Variants in JRK observed in about 807,000 individuals in gnomAD.
JRK encodes the protein Jrk helix-turn-helix protein, also known as jerky protein homolog.
For synonymous variants in JRK, 303 were observed against 218.1 expected (o/e 1.39, Z -3.43); for missense variants, 720 against 509.2 (o/e 1.41, Z -3.98).
Position 142,664,268 on chromosome 8 carries a change from C to T in JRK, c.*84G>A. ...AGTGTCTGCACATGCCCTCCTGCCT[C>T]AGGTGGGGTCGGGGCACAGGACCAT... On this transcript the variant is annotated 3_prime_UTR_variant, in exon 2 of 2. Transcript: ENST00000612905. The T allele has an allele frequency of 3.4e-6, 5 of 1,455,386 alleles. No individual in the cohort carries two copies. The South Asian group carries it at 7.5e-5, about 22-fold the overall frequency. The allele number at this position is 1,455,386 out of a possible 1,614,324, so 90.2% of individuals were successfully genotyped here. A position where few individuals can be genotyped will look rare whatever the true frequency, so the allele number is the denominator to read the frequency against.
the JRK span, among the ~76,000 whole-genome samples, chr8:142,648,322 G>A: frequency 6.6e-6 from 1 of 152,212 alleles, no homozygotes; most frequent in African/African-American, 2.4e-5. Context: ...TGTCTCCAGG[G>A]CATGTCAGAG....
At position 142,664,180 on chromosome 8, in the gene JRK, G is replaced by A; in HGVS notation, c.*172C>T. On this transcript the variant is annotated 3_prime_UTR_variant, in exon 2 of 2. Transcript: ENST00000612905. ...AAACCTGTATTGACAGGAACCTCGG[G>A]CACAGACCGTCCTGGGCACCCGAGC... 7.3e-7 allele frequency: 1 copy of A among 1,379,078 alleles called. No homozygotes were observed. The highest frequency in any genetic ancestry group is 2.6e-5 in the East Asian group (1 of 38,002). The allele number at this position is 1,379,078 out of a possible 1,614,324, so 85.4% of individuals were successfully genotyped here. A position where few individuals can be genotyped will look rare whatever the true frequency, so the allele number is the denominator to read the frequency against.
rs1554635806 is a variant in JRK, at chr8:142,665,636, G to A, written c.423C>T (p.Ala141=). 1 of 718,646 alleles carries A rather than the reference G, an allele frequency of 1.4e-6. No individual in the cohort carries two copies. Among genetic ancestry groups the A allele is most frequent in the African/African-American group, 1.7e-5 (1 of 57,418 alleles). 44.5% of individuals were successfully genotyped at this position (718,646 alleles called of 1,614,324 possible). A position where few individuals can be genotyped will look rare whatever the true frequency, so the allele number is the denominator to read the frequency against. The change falls in exon 2 of 2, where the codon GCC becomes GCT. Residue 141 remains alanine, a synonymous_variant. Coordinates refer to ENST00000612905, the MANE Select transcript of JRK (RefSeq NM_003724.4). ...FSGGWLWRFK[A]RHGIKKLDAS... Reference sequence around the variant, plus strand: ...CATCTAGCTTTTTAATGCCGTGTCTGGCCTTAAAGCGCCAAAGCCACCCTC... The same window carrying A: ...CATCTAGCTTTTTAATGCCGTGTCTAGCCTTAAAGCGCCAAAGCCACCCTC...
At chr8:142,668,479 G>T (rs1554636629) in intron 1 of JRK, among the ~76,000 whole-genome samples, 1 of 151,962 alleles carries the variant, frequency 6.6e-6, no homozygotes, top group East Asian at 2.0e-4. Context: ...TCTCACCATG[G>T]GGAACAGGAG....
chr8:142,659,113 A>G lies in JRK; in HGVS notation c.*5239T>C, dbSNP rs1846833783. 2 of 1,363,482 alleles carry G rather than the reference A, an allele frequency of 1.5e-6. No homozygotes were observed. The highest frequency in any genetic ancestry group is 1.7e-5 in the South Asian group (1 of 58,732). The allele number at this position is 1,363,482 out of a possible 1,614,324, so 84.5% of individuals were successfully genotyped here. A position where few individuals can be genotyped will look rare whatever the true frequency, so the allele number is the denominator to read the frequency against. ...ATCAAGGTACAATGAAATAGAAAAA[A>G]GGCTGGCCAGGTGCCAAGTCCCAGC... On this transcript the variant is annotated 3_prime_UTR_variant, in exon 2 of 2. Coordinates refer to ENST00000612905, the MANE Select transcript of JRK (RefSeq NM_003724.4).
Position 142,661,931 on chromosome 8 carries a change from C to G in JRK, c.*2421G>C, listed in dbSNP as rs1174421793. Reference sequence around the variant, plus strand: ...ACCGAGGCAAGAGGTATGCACCAGGCAGCTGGGCCCAGCAGCTCAGAGATG... The same window carrying G: ...ACCGAGGCAAGAGGTATGCACCAGGGAGCTGGGCCCAGCAGCTCAGAGATG... On this transcript the variant is annotated 3_prime_UTR_variant, in exon 2 of 2. Coordinates refer to ENST00000612905, the MANE Select transcript of JRK (RefSeq NM_003724.4). 2.0e-6 allele frequency: 2 copies of G among 985,434 alleles called. No individual in the cohort carries two copies. Among genetic ancestry groups the G allele is most frequent in the African/African-American group, 3.5e-5 (2 of 57,260 alleles). 61.0% of individuals were successfully genotyped at this position (985,434 alleles called of 1,614,324 possible).
Position 142,658,806 on chromosome 8 carries a change from G to T in JRK, c.*5546C>A. The T allele has an allele frequency of 6.3e-7, 1 of 1,584,606 alleles. No individual in the cohort carries two copies. Among genetic ancestry groups the T allele is most frequent in the South Asian group, 1.2e-5 (1 of 86,744 alleles). ...CCATAACCTCAAGGGCACTGGTGGG[G>T]ACAGAGGGGTCTTACCCAGCACTGC... On this transcript the variant is annotated 3_prime_UTR_variant, in exon 2 of 2. Transcript: ENST00000612905.
downstream of JRK, among the ~76,000 whole-genome samples, chr8:142,652,785 G>C (rs1187832408): frequency 6.6e-6 from 1 of 152,218 alleles, no homozygotes; most frequent in South Asian, 2.1e-4. Flanking sequence ...AAGAGAAAGA[G>C]AGGTGACCTA....
At position 142,658,797 on chromosome 8, in the gene JRK, A is replaced by T. The variant is rs1350838157; in HGVS notation, c.*5555T>A. The T allele has an allele frequency of 6.3e-7, 1 of 1,574,918 alleles. No individual in the cohort carries two copies. The highest frequency in any genetic ancestry group is 8.6e-7 in the Non-Finnish European group (1 of 1,160,130). Reference sequence around the variant, plus strand: ...TACCAACACCCATAACCTCAAGGGCACTGGTGGGGACAGAGGGGTCTTACC... The same window carrying T: ...TACCAACACCCATAACCTCAAGGGCTCTGGTGGGGACAGAGGGGTCTTACC... On this transcript the variant is annotated 3_prime_UTR_variant, in exon 2 of 2. Coordinates refer to ENST00000612905, the MANE Select transcript of JRK (RefSeq NM_003724.4).
Position 142,661,307 on chromosome 8 carries a change from C to G in JRK, c.*3045G>C. The G allele has an allele frequency of 2.0e-6, 2 of 985,474 alleles. No individual in the cohort carries two copies. The highest frequency in any genetic ancestry group is 2.4e-6 in the Non-Finnish European group (2 of 829,962). 61.0% of individuals were successfully genotyped at this position (985,474 alleles called of 1,614,324 possible). A position where few individuals can be genotyped will look rare whatever the true frequency, so the allele number is the denominator to read the frequency against. ...GAAAGACCACCTACCCATCCTAACC[C>G]CTGAATTCACCATGCCACCCTGAAA... On this transcript the variant is annotated 3_prime_UTR_variant, in exon 2 of 2. Coordinates refer to ENST00000612905, the MANE Select transcript of JRK (RefSeq NM_003724.4).
chr8:142,663,898 T>G lies in JRK; in HGVS notation c.*454A>C. On this transcript the variant is annotated 3_prime_UTR_variant, in exon 2 of 2. Coordinates refer to ENST00000612905, the MANE Select transcript of JRK (RefSeq NM_003724.4). The stretch of plus-strand genomic sequence containing the variant: ...CGGGGATGGCCGCCAGCCCAGCAGA[T>G]AGAGCCTTCTGAGACGAAGCCTGTC... The G allele has an allele frequency of 2.0e-6, 2 of 992,420 alleles. No homozygotes were observed. Among genetic ancestry groups the G allele is most frequent in the Non-Finnish European group, 2.4e-6 (2 of 835,068 alleles). The allele number at this position is 992,420 out of a possible 1,614,324, so 61.5% of individuals were successfully genotyped here.
At position 142,662,952 on chromosome 8, in the gene JRK, G is replaced by A. The variant is rs2978971; in HGVS notation, c.*1400C>T. On this transcript the variant is annotated 3_prime_UTR_variant, in exon 2 of 2. Coordinates refer to ENST00000612905, the MANE Select transcript of JRK (RefSeq NM_003724.4). ...AGGAAGGAGGATCGCTTGAGGCCAAGAGTTCAAGACCAGCCTGGGCAACAC... is the reference window on the plus strand; with the variant it reads ...AGGAAGGAGGATCGCTTGAGGCCAAAAGTTCAAGACCAGCCTGGGCAACAC... 1.3e-6 allele frequency: 1 copy of A among 790,820 alleles called. No individual in the cohort carries two copies. The highest frequency in any genetic ancestry group is 1.9e-5 in the African/African-American group (1 of 53,206). The allele number at this position is 790,820 out of a possible 1,614,324, so 49.0% of individuals were successfully genotyped here. A position where few individuals can be genotyped will look rare whatever the true frequency, so the allele number is the denominator to read the frequency against.
chr8:142,646,899 G>A, the JRK span, among the ~76,000 whole-genome samples: 2 of 151,884 alleles, frequency 1.3e-5, no homozygotes, highest in Admixed American at 1.3e-4. Context: ...CTTTATCTTA[G>A]ACTTGCAAGC....
rs587688763 is a variant in JRK, at chr8:142,669,218, G to A, written c.-463+714C>T. On this transcript the variant is annotated intron_variant, in intron 1 of 1. Transcript: ENST00000612905. ...TGTGTGTGCGTGTGTGTGTTGGGGG[G>A]TATGGAGGATATGAAGGAGAAATAC... Among the ~76,000 whole-genome samples, 8 of 149,176 alleles carry A rather than the reference G, an allele frequency of 5.4e-5. No individual in the cohort carries two copies. The South Asian group carries it at 1.3e-3, about 24-fold the overall frequency.
Position 142,661,570 on chromosome 8 carries a change from C to A in JRK, c.*2782G>T. The A allele has an allele frequency of 1.0e-6, 1 of 985,544 alleles. No individual in the cohort carries two copies. Among genetic ancestry groups the A allele is most frequent in the Non-Finnish European group, 1.2e-6 (1 of 830,000 alleles). 61.0% of individuals were successfully genotyped at this position (985,544 alleles called of 1,614,324 possible). On this transcript the variant is annotated 3_prime_UTR_variant, in exon 2 of 2. Coordinates refer to ENST00000612905, the MANE Select transcript of JRK (RefSeq NM_003724.4). ...ACTGGAAAACTGAGGCTGCAACTTG[C>A]AGGGGCACTGTGAGAAGACAGGGAG... is the stretch of plus-strand genomic sequence containing the variant.
rs1357904924 is a variant in JRK at position 142,669,199 on chromosome 8, T to TGTGTGTGTGC, written c.-463+732_-463+733insGCACACACAC. ...GTGTGTGTGTGTGTGTGTGTGTGTG[T>TGTGTGTGTGC]GCGTGTGTGTGTTGGGGGGTATGGA... On this transcript the variant is annotated intron_variant, in intron 1 of 1. Coordinates refer to ENST00000612905, the MANE Select transcript of JRK (RefSeq NM_003724.4). Among the ~76,000 whole-genome samples the TGTGTGTGTGC allele has an allele frequency of 4.4e-4, 27 of 61,592 alleles. No homozygotes were observed. In the South Asian group the frequency reaches 4.7e-3, roughly 11 times the overall value. 40.4% of individuals were successfully genotyped at this position (61,592 alleles called of 152,430 possible).
Position 142,662,743 on chromosome 8 carries a change from G to C in JRK, c.*1609C>G. The C allele has an allele frequency of 1.0e-6, 1 of 985,504 alleles. No homozygotes were observed. Among genetic ancestry groups the C allele is most frequent in the South Asian group, 4.7e-5 (1 of 21,294 alleles). The allele number at this position is 985,504 out of a possible 1,614,324, so 61.0% of individuals were successfully genotyped here. A position where few individuals can be genotyped will look rare whatever the true frequency, so the allele number is the denominator to read the frequency against. The stretch of plus-strand genomic sequence containing the variant: ...CCAAATCCTCTCCTTCATGAGAACA[G>C]AGGTTTCAGTGGAATCAACAGCAGA... On this transcript the variant is annotated 3_prime_UTR_variant, in exon 2 of 2. Transcript: ENST00000612905.
Position 142,659,649 on chromosome 8 carries a change from G to A in JRK, c.*4703C>T. 1.0e-6 allele frequency: 1 copy of A among 985,622 alleles called. No individual in the cohort carries two copies. The highest frequency in any genetic ancestry group is 1.2e-6 in the Non-Finnish European group (1 of 830,034). 61.1% of individuals were successfully genotyped at this position (985,622 alleles called of 1,614,324 possible). A position where few individuals can be genotyped will look rare whatever the true frequency, so the allele number is the denominator to read the frequency against. ...GCTCAGGACCACCACGGAACTGAAA[G>A]GAGGTTCAAGGCCTCAAACAAGAGT... On this transcript the variant is annotated 3_prime_UTR_variant, in exon 2 of 2. Coordinates refer to ENST00000612905, the MANE Select transcript of JRK (RefSeq NM_003724.4).
downstream of JRK, among the ~76,000 whole-genome samples, chr8:142,656,502 A>G (rs6997670): frequency 0.56 from 83,487 of 149,892 alleles, 24,218 homozygotes; most frequent in Admixed American, 0.67. Flanking sequence ...TAATCCAATC[A>G]AATTTGGGCT....
Sources: gnomAD v4.1 joint callset for allele counts (sites outside exome capture counted in the v4.1 genomes callset) on GRCh38, gnomAD v4.1.1 for gene constraint, MANE v1.5 for transcripts, NCBI Gene and HGNC (gene_info 2026-07-23, HGNC 2026-07-21) for gene names.